Variants in UTP25 observed in about 807,000 individuals in gnomAD.
The protein encoded by UTP25 is UTP25 small subunit processome component, also known as U3 small nucleolar RNA-associated protein 25 homolog.
A neutral mutation model predicts 78.9 loss-of-function variants in UTP25; 50 were observed. The observed-to-expected ratio is 0.63, with a 90% confidence interval of 0.50 to 0.80. The LOEUF (loss-of-function observed/expected upper bound fraction) is 0.80, where lower values mean the gene tolerates loss of function less well. Ranked by LOEUF, UTP25 falls within the 30% of genes least tolerant of loss-of-function variation. The probability of loss-of-function intolerance (pLI) is 0.00; values close to 1 mark genes in which losing one functional copy is unlikely to be tolerated. For missense variants in UTP25, 846 were observed against 911.3 expected (o/e 0.93, Z 0.92); for synonymous variants, 329 against 336.5 (o/e 0.98, Z 0.24).
intron 5 of UTP25, among the ~76,000 whole-genome samples, chr1:209,835,515 T>C (rs918655608): frequency 1.3e-5 from 2 of 152,202 alleles, no homozygotes; most frequent in Non-Finnish European, 2.9e-5. Context: ...TATCTCAAAA[T>C]AGAATAGTTT....
intron 7 of UTP25, among the ~76,000 whole-genome samples, chr1:209,840,481 G>C (rs1371036685): frequency 6.6e-6 from 1 of 152,200 alleles, no homozygotes; most frequent in African/African-American, 2.4e-5. Context: ...TCTCAAAAGT[G>C]TTCATCCTGT....
chr1:209,832,117 C>G lies in UTP25; in HGVS notation c.389-1068C>G, dbSNP rs73093826. 3.4e-3 allele frequency among the ~76,000 whole-genome samples: 512 copies of G among 150,746 alleles called. 6 individuals are homozygous for G. The highest frequency in any genetic ancestry group is 0.012 in the African/African-American group (487 of 41,078). Reference sequence around the variant, plus strand: ...TTTTGTTTGTTTCTATTTTTCTTTGCTTTTTTGGATTTTTAAAAATGAAAA... The same window carrying G: ...TTTTGTTTGTTTCTATTTTTCTTTGGTTTTTTGGATTTTTAAAAATGAAAA... On this transcript the variant is annotated intron_variant, in intron 3 of 11. Transcript: ENST00000491415.
intron 10 of UTP25, 71 bp downstream of exon 10, chr1:209,842,766 A>G: frequency 8.9e-7 from 1 of 1,122,162 alleles, no homozygotes; most frequent in East Asian, 2.5e-5. Context: ...CAAACCTAGA[A>G]TTGGATTCCA....
intron 7 of UTP25, 117 bp downstream of exon 7, chr1:209,839,245 C>A: frequency 2.1e-6 from 2 of 964,124 alleles, no homozygotes; most frequent in Non-Finnish European, 3.1e-6. Flanking sequence ...TTTAACAGAA[C>A]CAGTGTGCCT....
intron 11 of UTP25, 150 bp from the exon 12 acceptor site, chr1:209,851,054 A>C (rs369204660): frequency 2.7e-5 from 21 of 777,466 alleles, no homozygotes; most frequent in Middle Eastern, 6.8e-4. Context: ...ACCTCAAGTT[A>C]GAATAACTTT....
In UTP25 at chr1:209,853,910, G is replaced by A. The variant is rs1162323316; in HGVS notation, c.*2463G>A. On this transcript the variant is annotated 3_prime_UTR_variant, in exon 12 of 12. Transcript: ENST00000491415. ...GCTTCTTGCCTGCAGAGAACACTGA[G>A]GATTTCAAGTGTGAACAAAGTAGTG... 3 of 152,206 alleles carry A rather than the reference G, an allele frequency of 2.0e-5. No homozygotes were observed. The highest frequency in any genetic ancestry group is 2.1e-4 in the South Asian group (1 of 4,832). 9.4% of individuals were successfully genotyped at this position (152,206 alleles called of 1,614,324 possible). A position where few individuals can be genotyped will look rare whatever the true frequency, so the allele number is the denominator to read the frequency against.
intron 1 of UTP25, among the ~76,000 whole-genome samples, chr1:209,828,846 C>T (rs2078086487): frequency 6.6e-6 from 1 of 150,476 alleles, no homozygotes; most frequent in Non-Finnish European, 1.5e-5. Flanking sequence ...GATCTCAGCT[C>T]ACTGCAACCT....
Position 209,830,099 on chromosome 1 carries a change from T to A in UTP25, c.108-9T>A. The A allele has an allele frequency of 6.2e-7, 1 of 1,611,884 alleles. No individual in the cohort carries two copies. ...TAGTTAGAATGTAACATTGCCTGTT[T>A]CTTTTTAGGGTTTCCAGAAAGGAAG... On this transcript the variant is annotated splice_polypyrimidine_tract_variant and intron_variant, in intron 1 of 11. Transcript: ENST00000491415.
At chr1:209,834,745 A>G (rs1254728602) in intron 4 of UTP25, among the ~76,000 whole-genome samples, 1 of 152,232 alleles carries the variant, frequency 6.6e-6, no homozygotes, top group African/African-American at 2.4e-5. Flanking sequence ...AAGGAAGGAA[A>G]AGCACAGAGG....
intron 7 of UTP25, among the ~76,000 whole-genome samples, chr1:209,840,098 T>A (rs562593378): frequency 6.6e-6 from 1 of 152,336 alleles, no homozygotes; most frequent in South Asian, 2.1e-4. Context: ...TATGGTGGAA[T>A]GTAAGGCATA....
At chr1:209,839,580 CAT>C (rs1304778089) in intron 7 of UTP25, among the ~76,000 whole-genome samples, 1 of 152,168 alleles carries the variant, frequency 6.6e-6, no homozygotes, top group South Asian at 2.1e-4. Flanking sequence ...AATCTCCACA[CAT>C]GACTTCCACC....
intron 10 of UTP25, chr1:209,843,115 G>T: frequency 2.6e-6 from 1 of 383,598 alleles, no homozygotes; most frequent in Non-Finnish European, 4.7e-6. Context: ...CTTAGTATAT[G>T]GTAGATGTTC....
In UTP25 at chr1:209,857,256, A is replaced by C. The variant is rs1230689787; in HGVS notation, c.*5809A>C. The C allele has an allele frequency of 6.6e-6, 1 of 152,098 alleles. No individual in the cohort carries two copies. The highest frequency in any genetic ancestry group is 1.5e-5 in the Non-Finnish European group (1 of 67,978). The allele number at this position is 152,098 out of a possible 1,614,324, so 9.4% of individuals were successfully genotyped here. A position where few individuals can be genotyped will look rare whatever the true frequency, so the allele number is the denominator to read the frequency against. On this transcript the variant is annotated 3_prime_UTR_variant, in exon 12 of 12. Coordinates refer to ENST00000491415, the MANE Select transcript of UTP25 (RefSeq NM_014388.7). ...GTACAAATTTTTTTTTTCCCCACTT[A>C]AGGCTCAACTATTGGAATACATCTA...
chr1:209,835,826 T>C (rs1342868155), intron 5 of UTP25, among the ~76,000 whole-genome samples: 1 of 152,252 alleles, frequency 6.6e-6, no homozygotes, highest in African/African-American at 2.4e-5. Flanking sequence ...TGTAGTATAA[T>C]GTCACAGCCA....
intron 4 of UTP25, among the ~76,000 whole-genome samples, 158 bp downstream of exon 4, chr1:209,833,516 T>C (rs545906043): frequency 5.9e-5 from 9 of 152,294 alleles, no homozygotes; most frequent in Admixed American, 5.2e-4. Context: ...GTATTTTGTG[T>C]TTCTCAGTGT....
Position 209,856,589 on chromosome 1 carries a change from C to T in UTP25, c.*5142C>T, listed in dbSNP as rs1488212805. 6.6e-5 allele frequency: 10 copies of T among 152,256 alleles called. No individual in the cohort carries two copies. Among genetic ancestry groups the T allele is most frequent in the Non-Finnish European group, 1.2e-4 (8 of 68,058 alleles). The allele number at this position is 152,256 out of a possible 1,614,324, so 9.4% of individuals were successfully genotyped here. On this transcript the variant is annotated 3_prime_UTR_variant, in exon 12 of 12. Coordinates refer to ENST00000491415, the MANE Select transcript of UTP25 (RefSeq NM_014388.7). ...ATGGTATTCCTGTGCACTACTGTTACGTGAACACACAAACACCTAATTTGT... is the reference window on the plus strand; with the variant it reads ...ATGGTATTCCTGTGCACTACTGTTATGTGAACACACAAACACCTAATTTGT...
At chr1:209,845,295 T>C (rs2078191468) in intron 11 of UTP25, among the ~76,000 whole-genome samples, 2 of 152,352 alleles carry the variant, frequency 1.3e-5, no homozygotes, top group Admixed American at 1.3e-4. Context: ...CATTATTTGC[T>C]CTGTTCCAGT....
rs1325267671 is a variant in UTP25, at chr1:209,853,422, T to C, written c.*1975T>C. On this transcript the variant is annotated 3_prime_UTR_variant, in exon 12 of 12. Transcript: ENST00000491415. ...CCCAGGCTGGAGTACACTGGCATGA[T>C]CTTGGCTTACTGCAATCTGTGCCTC... 1 of 151,986 alleles carries C rather than the reference T, an allele frequency of 6.6e-6. No homozygotes were observed. Among genetic ancestry groups the C allele is most frequent in the African/African-American group, 2.4e-5 (1 of 41,374 alleles). The allele number at this position is 151,986 out of a possible 1,614,324, so 9.4% of individuals were successfully genotyped here.
chr1:209,842,261 A>G lies in UTP25; in HGVS notation c.1486-4A>G, dbSNP rs2078171081. The G allele has an allele frequency of 1.9e-6, 3 of 1,613,180 alleles. No homozygotes were observed. Among genetic ancestry groups the G allele is most frequent in the Non-Finnish European group, 2.5e-6 (3 of 1,179,758 alleles). ...ACTAATGGTAATATTATTTCCACTCAAAGCATTTGATGAATCACATGAACC... is the reference window on the plus strand; with the variant it reads ...ACTAATGGTAATATTATTTCCACTCGAAGCATTTGATGAATCACATGAACC... On this transcript the variant is annotated splice_polypyrimidine_tract_variant and splice_region_variant and intron_variant, in intron 8 of 11. Coordinates refer to ENST00000491415, the MANE Select transcript of UTP25 (RefSeq NM_014388.7).
Sources: allele counts gnomAD v4.1 joint callset (sites outside exome capture counted in the v4.1 genomes callset), GRCh38; gene constraint gnomAD v4.1.1; transcripts MANE v1.5; gene names NCBI Gene and HGNC (gene_info 2026-07-23, HGNC 2026-07-21).